Variants in PRKN observed in about 807,000 individuals in gnomAD.
PRKN encodes E3 ubiquitin-protein ligase parkin.
In PRKN, 56 loss-of-function variants were observed where a neutral mutation model predicts 59.5. The observed-to-expected ratio is 0.94, with a 90% CI of 0.76 to 1.18. The LOEUF is 1.18. Among genes scored for constraint, PRKN ranks in the 50% most tolerant of loss-of-function variants. The pLI, the probability that PRKN is intolerant of heterozygous loss-of-function variation, is 0.00. For synonymous variants in PRKN, 250 were observed against 222.1 expected, an observed-to-expected ratio of 1.13 and a Z score of -1.12; for missense variants, 657 against 596.4, an observed-to-expected ratio of 1.10 and a Z score of -1.06.
At chr6:161,670,697 T>C (rs1784876708) in intron 7 of PRKN, among the ~76,000 whole-genome samples, 1 of 152,074 alleles carries the variant, frequency 6.6e-6, no homozygotes, top group African/African-American at 2.4e-5. Flanking sequence ...GTGCCTGTTG[T>C]CCCAGCTACT....
chr6:161,867,746 T>TTTATTTA (rs1554236170), intron 6 of PRKN, among the ~76,000 whole-genome samples: 2 of 144,252 alleles, frequency 1.4e-5, no homozygotes, highest in Admixed American at 6.8e-5. Context: ...CTTTCATTTA[T>TTTATTTA]TTATTTATTT....
chr6:162,682,315 A>T (rs940186554), intron 1 of PRKN, among the ~76,000 whole-genome samples: 4 of 152,134 alleles, frequency 2.6e-5, no homozygotes, highest in African/African-American at 7.2e-5. Context: ...TCATAGGTTC[A>T]TCGTAGCACC....
At chr6:161,380,447 T>TTTTTTTTTG (rs1031272485) in intron 10 of PRKN, among the ~76,000 whole-genome samples, 1 of 150,266 alleles carries the variant, frequency 6.7e-6, no homozygotes, top group African/African-American at 2.5e-5. Flanking sequence ...TTTTTTTTTT[T>TTTTTTTTTG]TGGAGACAGA....
rs73600936 is a variant in PRKN at position 161,359,112 on chromosome 6, G to A, written c.1285+976C>T. On this transcript the variant is annotated intron_variant, in intron 11 of 11. Transcript: ENST00000366898. This position sits in a 1 kb window ranked among gnomAD's most constrained non-coding sequence, Gnocchi z 5.4. ...CCCGGCCGCCTTCTGCTCTTTATAG[G>A]TGCATGCCAATCCCTTCATTTTCTA... 0.12 allele frequency among the ~76,000 whole-genome samples: 17,822 copies of A among 152,028 alleles called. 1,602 individuals are homozygous for A. Among genetic ancestry groups the A allele is most frequent in the African/African-American group, 0.25 (10,394 of 41,444 alleles).
At chr6:162,003,787 T>C (rs1311299347) in intron 5 of PRKN, among the ~76,000 whole-genome samples, 3 of 152,198 alleles carry the variant, frequency 2.0e-5, no homozygotes, top group Admixed American at 6.6e-5. Context: ...TTCTGCTGTT[T>C]TGCACAATAT....
At chr6:161,862,413 T>C (rs1175081102) in intron 6 of PRKN, among the ~76,000 whole-genome samples, 1 of 152,218 alleles carries the variant, frequency 6.6e-6, no homozygotes, top group East Asian at 1.9e-4. Context: ...TTTTCCTTCC[T>C]ACTGCAACTT....
chr6:161,845,589 G>C (rs199550283), intron 6 of PRKN, among the ~76,000 whole-genome samples: 1 of 152,050 alleles, frequency 6.6e-6, no homozygotes, highest in Non-Finnish European at 1.5e-5. Context: ...AGCCAGGGTC[G>C]GTTAAATTCA....
At chr6:162,283,671 C>G (rs1434555310) in intron 2 of PRKN, among the ~76,000 whole-genome samples, 2 of 152,194 alleles carry the variant, frequency 1.3e-5, no homozygotes, top group Non-Finnish European at 2.9e-5. Flanking sequence ...CAGGTATGCG[C>G]TATCACACCC....
intron 2 of PRKN, among the ~76,000 whole-genome samples, chr6:162,316,993 A>ACCCT (rs1169960983): frequency 6.6e-6 from 1 of 151,810 alleles, no homozygotes; most frequent in Non-Finnish European, 1.5e-5. Flanking sequence ...ACCTGGACTT[A>ACCCT]AACAGTTAAG....
chr6:162,028,466 C>T (rs986638616), intron 5 of PRKN, among the ~76,000 whole-genome samples: 2 of 152,276 alleles, frequency 1.3e-5, no homozygotes, highest in African/African-American at 2.4e-5. Context: ...CCATTGATGA[C>T]GGAGCCCTGG....
At chr6:161,382,241 C>T (rs1786025994) in intron 10 of PRKN, among the ~76,000 whole-genome samples, 2 of 151,724 alleles carry the variant, frequency 1.3e-5, no homozygotes, top group Admixed American at 1.3e-4. Flanking sequence ...GTACAGTTGT[C>T]TGAAAGCTTA....
chr6:161,690,144 T>C (rs936705323), intron 7 of PRKN, among the ~76,000 whole-genome samples: 20 of 152,102 alleles, frequency 1.3e-4, no homozygotes, highest in African/African-American at 4.6e-4. Flanking sequence ...AAACATGAGG[T>C]CATTATAGGG....
intron 2 of PRKN, among the ~76,000 whole-genome samples, chr6:162,345,003 A>C (rs929009917): frequency 3.3e-5 from 5 of 152,218 alleles, no homozygotes; most frequent in Non-Finnish European, 7.3e-5. Context: ...GAATTTTCCT[A>C]GGACAAGACC....
intron 7 of PRKN, among the ~76,000 whole-genome samples, chr6:161,611,125 G>A (rs951047112): frequency 9.2e-5 from 14 of 152,080 alleles, no homozygotes; most frequent in Admixed American, 7.9e-4. Context: ...TAATCCCAAT[G>A]AATAATTGAG....
chr6:161,775,241 T>C (rs1187606510), intron 7 of PRKN, among the ~76,000 whole-genome samples: 1 of 152,132 alleles, frequency 6.6e-6, no homozygotes, highest in Admixed American at 6.6e-5. Context: ...ATGCTTTAAG[T>C]TAGCAATTCT....
intron 4 of PRKN, among the ~76,000 whole-genome samples, chr6:162,127,192 G>C (rs1781159421): frequency 6.6e-6 from 1 of 152,182 alleles, no homozygotes; most frequent in African/African-American, 2.4e-5. Context: ...TACAATGTTC[G>C]TACCAAGTTG....
At chr6:162,559,989 A>G (rs1779768815) in intron 1 of PRKN, among the ~76,000 whole-genome samples, 1 of 152,198 alleles carries the variant, frequency 6.6e-6, no homozygotes, top group Non-Finnish European at 1.5e-5. Context: ...TGAGTTGTCT[A>G]ACAAACAGTA....
intron 4 of PRKN, among the ~76,000 whole-genome samples, chr6:162,110,107 G>A (rs1313455530): frequency 1.3e-5 from 2 of 152,132 alleles, no homozygotes; most frequent in Non-Finnish European, 2.9e-5. Flanking sequence ...CTATGTGTGT[G>A]TACTATGGGA....
chr6:161,865,283 T>C (rs1794068764), intron 6 of PRKN, among the ~76,000 whole-genome samples: 1 of 152,208 alleles, frequency 6.6e-6, no homozygotes, highest in Non-Finnish European at 1.5e-5. Flanking sequence ...GTTCCCTTTA[T>C]AGAGCACAGG....
Sources: gnomAD v4.1 joint callset for allele counts (sites outside exome capture counted in the v4.1 genomes callset) on GRCh38, gnomAD v4.1.1 for gene constraint, Gnocchi (gnomAD v3.1) non-coding constraint, MANE v1.5 for transcripts, NCBI Gene and HGNC (gene_info 2026-07-23, HGNC 2026-07-21) for gene names.